MYO3A: variants seen among roughly 807,000 people sequenced by gnomAD.
The protein encoded by MYO3A is myosin-IIIa.
Under a neutral mutation model 192.7 loss-of-function variants are expected in MYO3A, and 180 were observed. The ratio of observed to expected loss-of-function variants is 0.93; its 90% CI spans 0.83 to 1.06. MYO3A has a LOEUF of 1.06. MYO3A is among the 50% of genes least tolerant of loss of function. The pLI is 0.00. For missense variants in MYO3A, 1,896 were observed against 1,905.0 expected, an observed-to-expected ratio of 1.00 and a Z score of 0.09; for synonymous variants, 628 against 645.3, an observed-to-expected ratio of 0.97 and a Z score of 0.41.
chr10:26,120,596 C>A, intron 17 of MYO3A, 80 bp from the exon 18 acceptor site: 1 of 1,593,070 alleles, frequency 6.3e-7, no homozygotes. Context: ...GGGTTCTCTT[C>A]CAGTCTGTCC....
intron 31 of MYO3A, among the ~76,000 whole-genome samples, chr10:26,190,820 T>C (rs890267725): frequency 1.3e-5 from 2 of 152,114 alleles, no homozygotes; most frequent in African/African-American, 4.8e-5. Context: ...TGCAATTCCC[T>C]TTGCACCAAC....
At chr10:25,999,987 C>T (rs1840687698) in intron 6 of MYO3A, among the ~76,000 whole-genome samples, 1 of 152,174 alleles carries the variant, frequency 6.6e-6, no homozygotes, top group Non-Finnish European at 1.5e-5. Flanking sequence ...TGCAGTTATA[C>T]TTTACTGAAC....
chr10:25,950,467 A>C (rs1385966912), intron 2 of MYO3A, among the ~76,000 whole-genome samples: 1 of 152,192 alleles, frequency 6.6e-6, no homozygotes, highest in Non-Finnish European at 1.5e-5. Flanking sequence ...GAAGTGCAGT[A>C]GGGTTGCTGG....
At chr10:25,945,139 A>G (rs996859809) in intron 2 of MYO3A, among the ~76,000 whole-genome samples, 10 of 151,872 alleles carry the variant, frequency 6.6e-5, no homozygotes, top group Admixed American at 3.9e-4. Context: ...AATTTCTTCT[A>G]TTGGTTGTTT....
chr10:26,096,212 T>C (rs1837022123), intron 15 of MYO3A, among the ~76,000 whole-genome samples, 169 bp from the exon 16 acceptor site: 2 of 152,186 alleles, frequency 1.3e-5, no homozygotes, highest in Non-Finnish European at 2.9e-5. Context: ...TTAATGACAG[T>C]GGTTGTTGAA....
At position 26,016,322 on chromosome 10, in the gene MYO3A, G is replaced by A. The variant is rs187920333; in HGVS notation, c.509-498G>A. On this transcript the variant is annotated intron_variant, in intron 6 of 34. Coordinates refer to ENST00000642920, the MANE Select transcript of MYO3A (RefSeq NM_017433.5). ...CTTCCAGTCAGATAAGGTGTGATTT[G>A]CCCAGGGTTGGTAGATGGAAAATAA... 1.6e-4 allele frequency among the ~76,000 whole-genome samples: 24 copies of A among 152,230 alleles called. 1 individual carries two copies. Among genetic ancestry groups the A allele is most frequent in the Admixed American group, 1.3e-3 (20 of 15,280 alleles).
At chr10:25,962,947 T>TTTGC (rs1838029638) in intron 4 of MYO3A, among the ~76,000 whole-genome samples, 1 of 152,186 alleles carries the variant, frequency 6.6e-6, no homozygotes, top group Admixed American at 6.5e-5. Context: ...TCAGGAGCTG[T>TTTGC]TTGCTTAGTG....
intron 26 of MYO3A, among the ~76,000 whole-genome samples, chr10:26,159,781 CAT>C (rs1589055557): frequency 6.6e-6 from 1 of 152,070 alleles, no homozygotes; most frequent in Non-Finnish European, 1.5e-5. Context: ...ATTACATAAA[CAT>C]ATGACTTTTG....
chr10:26,158,256 T>TTA (rs1306146508), intron 26 of MYO3A, among the ~76,000 whole-genome samples: 4 of 136,622 alleles, frequency 2.9e-5, no homozygotes, highest in African/African-American at 1.1e-4. Context: ...TTTATTTTAT[T>TTA]TTTTTTTTTT....
intron 8 of MYO3A, chr10:26,023,497 G>A (rs1377858327): frequency 6.5e-6 from 1 of 153,992 alleles, no homozygotes; most frequent in African/African-American, 2.4e-5. Context: ...CAGCTTTATC[G>A]CTAATAGTAT....
At chr10:26,070,508 A>G in intron 14 of MYO3A, 107 bp downstream of exon 14, 1 of 1,008,768 alleles carries the variant, frequency 9.9e-7, no homozygotes, top group South Asian at 1.4e-5. Flanking sequence ...TTAATAATGT[A>G]CAGAAATTTT....
intron 14 of MYO3A, among the ~76,000 whole-genome samples, chr10:26,071,549 A>G (rs1397243491): frequency 6.6e-6 from 1 of 152,200 alleles, no homozygotes; most frequent in African/African-American, 2.4e-5. Context: ...AAAATTAAGA[A>G]TGTCTGTTCT....
intron 4 of MYO3A, among the ~76,000 whole-genome samples, chr10:25,975,582 A>T (rs1277212902): frequency 6.6e-6 from 1 of 152,160 alleles, no homozygotes; most frequent in Non-Finnish European, 1.5e-5. Flanking sequence ...TTTAACTTTT[A>T]TTTCTCAACA....
rs1324556520 is a variant in MYO3A at position 26,067,002 on chromosome 10, G to A, written c.981G>A (p.Gly327=). ...ARRERIHTKK[G]NFNRPLISNL... ...GTGAACGTATTCACACGAAGAAAGG[G>A]AACTTCAACCGACCTCTAATATCCA... The change falls in exon 11 of 35, where the codon GGG becomes GGA. Residue 327 remains glycine (G), a synonymous_variant. Transcript: ENST00000642920. 1 of 1,612,746 alleles carries A rather than the reference G, an allele frequency of 6.2e-7. No homozygotes were observed. Among genetic ancestry groups the A allele is most frequent in the East Asian group, 2.2e-5 (1 of 44,828 alleles).
intron 10 of MYO3A, among the ~76,000 whole-genome samples, chr10:26,057,361 A>G (rs774878340): frequency 1.6e-4 from 24 of 152,166 alleles, no homozygotes; most frequent in Non-Finnish European, 3.2e-4. Flanking sequence ...TCAATAGACA[A>G]ATTAGTAGGG....
At chr10:26,089,468 G>C (rs1415330777) in intron 15 of MYO3A, among the ~76,000 whole-genome samples, 1 of 152,006 alleles carries the variant, frequency 6.6e-6, no homozygotes, top group African/African-American at 2.4e-5. Context: ...GGGCGTGGTG[G>C]TGGGTGCTTG....
chr10:26,054,204 A>T (rs1268047548), intron 10 of MYO3A, among the ~76,000 whole-genome samples: 1 of 152,208 alleles, frequency 6.6e-6, no homozygotes, highest in Non-Finnish European at 1.5e-5. Flanking sequence ...TTTTAAAAAG[A>T]TCATTCTCAC....
At position 26,147,305 on chromosome 10, in the gene MYO3A, G is replaced by A. The variant is rs190490151; in HGVS notation, c.2506-125G>A. On this transcript the variant is annotated intron_variant, in intron 22 of 34. Transcript: ENST00000642920. The stretch of plus-strand genomic sequence containing the variant: ...TAAGGGGCTACCTTAGTAAATGCTT[G>A]TATCACTGTTGCTGAACATAGAGTA... The A allele has an allele frequency of 5.1e-6, 5 of 985,096 alleles. No individual in the cohort carries two copies. The East Asian group carries it at 1.0e-4, about 20-fold the overall frequency. The allele number at this position is 985,096 out of a possible 1,614,324, so 61.0% of individuals were successfully genotyped here. A position where few individuals can be genotyped will look rare whatever the true frequency, so the allele number is the denominator to read the frequency against.
intron 4 of MYO3A, among the ~76,000 whole-genome samples, chr10:25,974,171 A>G (rs553222904): frequency 1.3e-5 from 2 of 152,346 alleles, no homozygotes; most frequent in South Asian, 4.1e-4. Context: ...AGAATGGGAA[A>G]AAATTTTTGC....
Sources: gnomAD v4.1 joint callset for allele counts (sites outside exome capture counted in the v4.1 genomes callset) on GRCh38, gnomAD v4.1.1 for gene constraint, MANE v1.5 for transcripts, NCBI Gene and HGNC (gene_info 2026-07-23, HGNC 2026-07-21) for gene names.